Variants in CEP295 observed in about 807,000 individuals in gnomAD.
CEP295 encodes the protein centrosomal protein 295.
CEP295 carries 190 observed loss-of-function variants against 291.6 expected under a neutral mutation model. The ratio of observed to expected loss-of-function variants is 0.65; its 90% CI spans 0.58 to 0.73. The LOEUF (loss-of-function observed/expected upper bound fraction) is 0.73, where lower values mean the gene tolerates loss of function less well. CEP295 is among the 30% of genes least tolerant of loss of function. The probability of loss-of-function intolerance (pLI) is 0.00; values close to 1 mark genes in which losing one functional copy is unlikely to be tolerated. For synonymous variants in CEP295, 993 were observed against 1,038.8 expected, an observed-to-expected ratio of 0.96 and a Z score of 0.85; for missense variants, 2,863 against 2,949.4, an observed-to-expected ratio of 0.97 and a Z score of 0.68.
intron 14 of CEP295, 102 bp downstream of exon 14, chr11:93,696,519 A>G (rs948943022): frequency 8.9e-5 from 95 of 1,069,788 alleles, no homozygotes; most frequent in Admixed American, 7.3e-4. Flanking sequence ...CCTTAGAATT[A>G]TGGCATTTAG....
intron 4 of CEP295, 99 bp from the exon 5 acceptor site, chr11:93,669,578 T>G (rs1347344752): frequency 1.4e-6 from 1 of 712,164 alleles, no homozygotes; most frequent in African/African-American, 1.8e-5. Context: ...GGAATCAGAC[T>G]AGAGGATTTC....
At position 93,727,521 on chromosome 11, in the gene CEP295, G is replaced by T. The variant is rs371970406; in HGVS notation, c.7045G>T (p.Glu2349Ter). Residue 2349 changes from glutamate to a stop codon, truncating the protein, a stop_gained, in exon 24 of 30, where the codon GAG (glutamate) becomes TAG (stop). Coordinates refer to ENST00000325212, the MANE Select transcript of CEP295 (RefSeq NM_033395.2). LOFTEE classifies it high-confidence loss of function. ...SLTTQNEKYF[E>*]NSAETDIPKI... ...AACTACTCAAAATGAAAAATATTTT[G>T]AGAATTCAGCTGAAACAGACATTCC... 5 of 1,551,564 alleles carry T rather than the reference G, an allele frequency of 3.2e-6. No individual in the cohort carries two copies. The highest frequency in any genetic ancestry group is 4.4e-6 in the Non-Finnish European group (5 of 1,146,970).
chr11:93,668,181 A>G (rs1346502192), intron 3 of CEP295, among the ~76,000 whole-genome samples: 1 of 152,146 alleles, frequency 6.6e-6, no homozygotes, highest in Non-Finnish European at 1.5e-5. Context: ...GATGACTTTC[A>G]GAAAGTCACA....
At position 93,691,996 on chromosome 11, in the gene CEP295, C is replaced by G. The variant is rs1489274198; in HGVS notation, c.1499C>G (p.Ala500Gly). The G allele has an allele frequency of 6.5e-7, 1 of 1,533,632 alleles. No individual in the cohort carries two copies. The highest frequency in any genetic ancestry group is 2.5e-5 in the East Asian group (1 of 40,744). ...GTTCTACTTCATCCTCAAGAAGCAG[C>G]AGCCAGGATTAGAATGTCAGCAAGG... ...SSVLLHPQEAAARIRMSARQK... is the reference protein window; with the variant it reads ...SSVLLHPQEAGARIRMSARQK... Residue 500 changes from alanine to glycine, a missense_variant, in exon 12 of 30, where the codon GCA becomes GGA. Around this residue, in one of 3 missense-constraint regions of CEP295, gnomAD observed 554 missense variants for 576.0 expected, o/e 0.96. Coordinates refer to ENST00000325212, the MANE Select transcript of CEP295 (RefSeq NM_033395.2).
chr11:93,681,354 A>G (rs1591002871), intron 7 of CEP295, among the ~76,000 whole-genome samples: 2 of 136,270 alleles, frequency 1.5e-5, no homozygotes. Context: ...CTCCTGCCTC[A>G]GCCTCCTAAG....
In CEP295 at chr11:93,698,240, G is replaced by C; in HGVS notation, c.3328G>C (p.Val1110Leu). ...CTCACCAGTGGTTGTTCAGCATTCAGTTGCTTCACAAGCTTCTGCTAAAGC... is the reference window on the plus strand; with the variant it reads ...CTCACCAGTGGTTGTTCAGCATTCACTTGCTTCACAAGCTTCTGCTAAAGC... The part of the protein sequence containing the change: ...SSSPVVVQHS[V>L]ASQASAKAEP... The change falls in exon 15 of 30, where the codon GTT (valine) becomes CTT (leucine). Residue 1110 changes from valine (V) to leucine (L), a missense_variant. Physicochemically the swap from Val to Leu is conservative, Grantham distance 32. This residue lies in a region of CEP295 where 2,295 missense variants were observed against 2,335.7 expected (regional missense o/e 0.98). Transcript: ENST00000325212. 6.4e-7 allele frequency: 1 copy of C among 1,551,836 alleles called. No homozygotes were observed. The highest frequency in any genetic ancestry group is 1.2e-5 in the South Asian group (1 of 84,056).
rs1209818493 is a variant in CEP295, at chr11:93,698,270, C to T, written c.3358C>T (p.Pro1120Ser). ...TTCACAAGCTTCTGCTAAAGCTGAG[C>T]CTAGGAGAATTCAGGAGCTTTATTT... ...VASQASAKAE[P>S]RRIQELYLSE... The change falls in exon 15 of 30, where the codon CCT becomes TCT. Residue 1120 changes from proline to serine, a missense_variant. Around this residue, in one of 3 missense-constraint regions of CEP295, gnomAD observed 2,295 missense variants for 2,335.7 expected, o/e 0.98. Coordinates refer to ENST00000325212, the MANE Select transcript of CEP295 (RefSeq NM_033395.2). 1 of 1,551,766 alleles carries T rather than the reference C, an allele frequency of 6.4e-7. No homozygotes were observed. The highest frequency in any genetic ancestry group is 2.0e-5 in the Admixed American group (1 of 50,998).
chr11:93,670,180 C>T (rs1944102), intron 5 of CEP295, among the ~76,000 whole-genome samples: 139,720 of 152,068 alleles, frequency 0.92, 65,010 homozygotes, highest in East Asian at 0.99. Context: ...CTAAACTATT[C>T]GTCCATTAGG....
chr11:93,718,777 CAG>C (rs1446947207), intron 18 of CEP295, among the ~76,000 whole-genome samples: 1 of 152,202 alleles, frequency 6.6e-6, no homozygotes, highest in East Asian at 1.9e-4. Flanking sequence ...ACCTGGGTGA[CAG>C]AGCAAGACCC....
intron 7 of CEP295, among the ~76,000 whole-genome samples, chr11:93,682,439 G>A (rs1036781660): frequency 6.6e-6 from 1 of 151,904 alleles, no homozygotes; most frequent in African/African-American, 2.4e-5. Flanking sequence ...GGCCAGGCTG[G>A]CCTCGAACTC....
At chr11:93,679,126 C>T (rs537844749) in intron 6 of CEP295, among the ~76,000 whole-genome samples, 8 of 152,202 alleles carry the variant, frequency 5.3e-5, no homozygotes, top group East Asian at 1.9e-4. Context: ...TACAGGCATG[C>T]GCCACCACGC....
At chr11:93,679,966 C>A (rs1228322671) in intron 7 of CEP295, among the ~76,000 whole-genome samples, 2 of 152,142 alleles carry the variant, frequency 1.3e-5, no homozygotes, top group African/African-American at 4.8e-5. Context: ...ATCCTTGCTA[C>A]CGGAGCTTTT....
At chr11:93,719,087 G>A (rs1444433600) in intron 18 of CEP295, among the ~76,000 whole-genome samples, 1 of 140,572 alleles carries the variant, frequency 7.1e-6, no homozygotes, top group Non-Finnish European at 1.5e-5. Context: ...CAGCCTGGGT[G>A]ACAGTGAGAC....
In CEP295 at chr11:93,669,758, A is replaced by C. The variant is rs1249506470; in HGVS notation, c.516A>C (p.Pro172=). 6.5e-7 allele frequency: 1 copy of C among 1,549,292 alleles called. No individual in the cohort carries two copies. The highest frequency in any genetic ancestry group is 8.7e-7 in the Non-Finnish European group (1 of 1,145,118). The change falls in exon 5 of 30, where the codon CCA becomes CCC. Residue 172 remains proline (P), a synonymous_variant. Transcript: ENST00000325212. ...TTACAAGTCTGCCACCTCCTCCTCCAACTCTTTTTGAGGTGAGTTTGAGTA... is the reference window on the plus strand; with the variant it reads ...TTACAAGTCTGCCACCTCCTCCTCCCACTCTTTTTGAGGTGAGTTTGAGTA... ...AKITSLPPPP[P]TLFENIEVKR...
intron 7 of CEP295, among the ~76,000 whole-genome samples, chr11:93,683,106 A>G (rs978188625): frequency 6.6e-6 from 1 of 152,206 alleles, no homozygotes; most frequent in African/African-American, 2.4e-5. Context: ...GAAATATTCT[A>G]TGTTAAGCCA....
intron 22 of CEP295, among the ~76,000 whole-genome samples, chr11:93,725,088 C>G (rs1221115435): frequency 6.6e-6 from 1 of 151,858 alleles, no homozygotes; most frequent in Non-Finnish European, 1.5e-5. Context: ...AATCCCATCT[C>G]TACTAAAAAA....
At chr11:93,681,848 T>G (rs1262447647) in intron 7 of CEP295, among the ~76,000 whole-genome samples, 2 of 57,798 alleles carry the variant, frequency 3.5e-5, no homozygotes, top group Non-Finnish European at 4.7e-5. Flanking sequence ...AGCCTGGCTG[T>G]TTTTTGTTTT....
In CEP295 at chr11:93,724,157, A is replaced by C. The variant is rs1264474670; in HGVS notation, c.6197-97A>C. 3 of 1,142,804 alleles carry C rather than the reference A, an allele frequency of 2.6e-6. No individual in the cohort carries two copies. In the African/African-American group the frequency reaches 4.7e-5, roughly 18 times the overall value. 70.8% of individuals were successfully genotyped at this position (1,142,804 alleles called of 1,614,324 possible). ...AGTTACCTGAAAATAAGCGTTTATG[A>C]ATATGTTCTTAATACTCCTTTTCTA... On this transcript the variant is annotated intron_variant, in intron 21 of 29. Transcript: ENST00000325212.
intron 18 of CEP295, among the ~76,000 whole-genome samples, chr11:93,717,024 G>A (rs1953314125): frequency 1.3e-5 from 2 of 152,246 alleles, no homozygotes; most frequent in Non-Finnish European, 2.9e-5. Context: ...TGTTGAAGGA[G>A]TGCTGGGAGA....
Sources: gnomAD v4.1 joint callset for allele counts (sites outside exome capture counted in the v4.1 genomes callset) on GRCh38, gnomAD v4.1.1 for gene constraint, gnomAD v4.1.1 regional missense constraint, MANE v1.5 for transcripts, NCBI Gene and HGNC (gene_info 2026-07-23, HGNC 2026-07-21) for gene names.